The following PRMT3 variants were observed in gnomAD, a reference collection of about 807,000 sequenced individuals.
PRMT3 encodes protein arginine methyltransferase 3.
Under a neutral mutation model 71.9 loss-of-function variants are expected in PRMT3, and 62 were observed. The ratio of observed to expected loss-of-function variants is 0.86; its 90% CI spans 0.70 to 1.07. The LOEUF is 1.07. Ranked by LOEUF, PRMT3 falls within the 50% of genes least tolerant of loss-of-function variation. PRMT3 has a pLI of 0.00. For synonymous variants in PRMT3, 213 were observed against 220.4 expected (o/e 0.97, Z 0.30); for missense variants, 663 against 643.0 (o/e 1.03, Z -0.34).
intron 10 of PRMT3, among the ~76,000 whole-genome samples, chr11:20,433,431 C>T (rs1849696624): frequency 6.6e-6 from 1 of 152,112 alleles, no homozygotes; most frequent in Non-Finnish European, 1.5e-5. Flanking sequence ...GTATCTGTGA[C>T]ACCATTTTCT....
intron 13 of PRMT3, among the ~76,000 whole-genome samples, chr11:20,493,145 T>A (rs1851249335): frequency 7.3e-6 from 1 of 137,836 alleles, no homozygotes; most frequent in African/African-American, 2.6e-5. Flanking sequence ...AAAAAAAAAA[T>A]CTTTTTGTAC....
intron 15 of PRMT3, among the ~76,000 whole-genome samples, chr11:20,504,705 T>TGAGA (rs1376738536): frequency 1.5e-4 from 16 of 109,390 alleles, no homozygotes; most frequent in East Asian, 2.7e-4. Flanking sequence ...TGTGTGTGTG[T>TGAGA]GTGAGAGAGA....
At chr11:20,491,874 A>T in intron 13 of PRMT3, among the ~76,000 whole-genome samples, 1 of 152,116 alleles carries the variant, frequency 6.6e-6, no homozygotes, top group East Asian at 1.9e-4. Flanking sequence ...TCTCCTCTCC[A>T]TATTTGTCCC....
chr11:20,497,802 T>C (rs570793829), intron 15 of PRMT3, among the ~76,000 whole-genome samples: 1 of 152,290 alleles, frequency 6.6e-6, no homozygotes, highest in African/African-American at 2.4e-5. Flanking sequence ...CTTAAGGCTG[T>C]CTAGATCCTC....
At chr11:20,414,565 C>T (rs7481390) in intron 9 of PRMT3, among the ~76,000 whole-genome samples, 124,558 of 152,122 alleles carry the variant, frequency 0.82, 52,968 homozygotes, top group Non-Finnish European at 0.95. Context: ...GTGTTTATTA[C>T]CCTCAGGAAG....
intron 13 of PRMT3, among the ~76,000 whole-genome samples, chr11:20,485,399 A>G (rs1461511784): frequency 6.6e-6 from 1 of 152,226 alleles, no homozygotes; most frequent in Non-Finnish European, 1.5e-5. Flanking sequence ...ACAGAGCTCT[A>G]GGTGCTCCAG....
At chr11:20,466,085 C>T (rs982015296) in intron 13 of PRMT3, among the ~76,000 whole-genome samples, 1 of 152,124 alleles carries the variant, frequency 6.6e-6, no homozygotes, top group African/African-American at 2.4e-5. Context: ...AAAGCTTGTG[C>T]ATATTTGTGA....
intron 13 of PRMT3, among the ~76,000 whole-genome samples, chr11:20,471,870 T>C (rs1590089281): frequency 1.3e-5 from 2 of 152,264 alleles, no homozygotes; most frequent in East Asian, 1.9e-4. Context: ...GTCCTTTCTG[T>C]TTTCTTTGAG....
At chr11:20,481,471 A>G (rs1043342569) in intron 13 of PRMT3, among the ~76,000 whole-genome samples, 1 of 152,090 alleles carries the variant, frequency 6.6e-6, no homozygotes, top group Non-Finnish European at 1.5e-5. Context: ...TATGGCACTC[A>G]CTATAAGCCA....
chr11:20,410,571 A>G (rs1399302041), intron 9 of PRMT3, among the ~76,000 whole-genome samples: 4 of 152,144 alleles, frequency 2.6e-5, no homozygotes, highest in Non-Finnish European at 5.9e-5. Flanking sequence ...AATATTATTT[A>G]AAGATATTCA....
chr11:20,498,201 C>G (rs561488977), intron 15 of PRMT3, among the ~76,000 whole-genome samples: 1 of 152,190 alleles, frequency 6.6e-6, no homozygotes, highest in East Asian at 1.9e-4. Context: ...ACCAAGCACT[C>G]TAGCCTAGTC....
intron 10 of PRMT3, among the ~76,000 whole-genome samples, chr11:20,429,424 C>T (rs1027785374): frequency 6.6e-6 from 1 of 152,156 alleles, no homozygotes; most frequent in African/African-American, 2.4e-5. Flanking sequence ...GTACCCATCC[C>T]TGGCTTGGGG....
At chr11:20,415,928 T>C (rs1422946405) in intron 9 of PRMT3, among the ~76,000 whole-genome samples, 1 of 152,178 alleles carries the variant, frequency 6.6e-6, no homozygotes, top group Non-Finnish European at 1.5e-5. Context: ...ACAGACCTGC[T>C]GCATTCACTC....
intron 13 of PRMT3, among the ~76,000 whole-genome samples, chr11:20,485,099 T>C (rs2133440930): frequency 6.6e-6 from 1 of 152,210 alleles, no homozygotes; most frequent in South Asian, 2.1e-4. Flanking sequence ...TGCCCAAGAA[T>C]AAGGTATGAG....
chr11:20,428,693 A>G (rs2133355097), intron 10 of PRMT3, among the ~76,000 whole-genome samples: 1 of 152,304 alleles, frequency 6.6e-6, no homozygotes, highest in Non-Finnish European at 1.5e-5. Flanking sequence ...AGGAGGGCTA[A>G]CCCTGCAGGC....
rs145120038 is a variant in PRMT3 at position 20,450,376 on chromosome 11, A to G, written c.994-1754A>G. 7.2e-3 allele frequency among the ~76,000 whole-genome samples: 1,099 copies of G among 152,266 alleles called. 16 individuals carry two copies. Among genetic ancestry groups the G allele is most frequent in the African/African-American group, 0.025 (1,021 of 41,554 alleles). ...CACTATAAGCAACAGTTGAATGCCT[A>G]TTTATAAGCATTTGTGTGTGAAATC... On this transcript the variant is annotated intron_variant, in intron 10 of 15. Coordinates refer to ENST00000331079, the MANE Select transcript of PRMT3 (RefSeq NM_005788.4).
chr11:20,451,917 C>A (rs1850157733), intron 10 of PRMT3, among the ~76,000 whole-genome samples: 1 of 152,060 alleles, frequency 6.6e-6, no homozygotes, highest in Non-Finnish European at 1.5e-5. Flanking sequence ...GTATATTTTA[C>A]CACAATAAAC....
At chr11:20,396,126 ATAGT>A (rs1848821027) in intron 6 of PRMT3, among the ~76,000 whole-genome samples, 164 bp downstream of exon 6, 1 of 152,204 alleles carries the variant, frequency 6.6e-6, no homozygotes, top group South Asian at 2.1e-4. Context: ...CACTATGGAT[ATAGT>A]TAATTAATAT....
Position 20,462,101 on chromosome 11 carries a change from T to C in PRMT3, c.1194T>C (p.Val398=). The C allele has an allele frequency of 6.2e-7, 1 of 1,613,190 alleles. No individual in the cohort carries two copies. Among genetic ancestry groups the C allele is most frequent in the Non-Finnish European group, 8.5e-7 (1 of 1,179,404 alleles). ...AGATGTCCTGCATGAAGAAAGCAGT[T>C]ATTCCAGAAGCTGTTGTGGAAGTTT... The part of the protein sequence containing the change: ...GFKMSCMKKA[V]IPEAVVEVLD... The change falls in exon 12 of 16, where the codon GTT becomes GTC. Residue 398 remains valine, a synonymous_variant. Transcript: ENST00000331079.
Sources: allele counts gnomAD v4.1 joint callset (sites outside exome capture counted in the v4.1 genomes callset), GRCh38; gene constraint gnomAD v4.1.1; transcripts MANE v1.5; gene names NCBI Gene and HGNC (gene_info 2026-07-23, HGNC 2026-07-21).